Variants in UGT1A9 observed in about 807,000 individuals in gnomAD.
UGT1A9 encodes UDP-glucuronosyltransferase 1A9.
A neutral mutation model predicts 45.0 loss-of-function variants in UGT1A9; 35 were observed. The ratio of observed to expected loss-of-function variants is 0.78; its 90% CI spans 0.59 to 1.03. The LOEUF is 1.03. UGT1A9 is among the 50% of genes least tolerant of loss of function. The pLI is 0.00. For missense variants in UGT1A9, 687 were observed against 666.6 expected, an observed-to-expected ratio of 1.03 and a Z score of -0.34; for synonymous variants, 278 against 250.6, an observed-to-expected ratio of 1.11 and a Z score of -1.03.
At chr2:233,754,037 T>C (rs1376554387) in intron 1 of UGT1A9, among the ~76,000 whole-genome samples, 1 of 152,244 alleles carries the variant, frequency 6.6e-6, no homozygotes, top group Non-Finnish European at 1.5e-5. Context: ...ATGCATCCAC[T>C]TTGCCAGGTT....
At chr2:233,752,890 C>A (rs537828663) in intron 1 of UGT1A9, among the ~76,000 whole-genome samples, 13 of 152,204 alleles carry the variant, frequency 8.5e-5, no homozygotes, top group Admixed American at 7.2e-4. Context: ...AACTAGCCAG[C>A]GTTGTTACAG....
intron 1 of UGT1A9, among the ~76,000 whole-genome samples, chr2:233,751,808 C>G (rs1373463775): frequency 6.6e-6 from 1 of 152,150 alleles, no homozygotes; most frequent in Non-Finnish European, 1.5e-5. Flanking sequence ...TTGTAAGTTT[C>G]CTGAGGCCTC....
intron 1 of UGT1A9, among the ~76,000 whole-genome samples, chr2:233,706,625 G>A (rs1232121262): frequency 6.6e-6 from 1 of 152,130 alleles, no homozygotes; most frequent in Non-Finnish European, 1.5e-5. Flanking sequence ...AGAGAAATGA[G>A]TGTTTCTACT....
chr2:233,767,950 A>T lies in UGT1A9; in HGVS notation c.1075+14A>T. The T allele has an allele frequency of 6.2e-7, 1 of 1,614,160 alleles. No homozygotes were observed. On this transcript the variant is annotated intron_variant, in intron 3 of 4. Transcript: ENST00000354728. ...ACGATCTGCTTGGTATGTTGGGCGG[A>T]TTGGATGTATAGGTCAAACCAGGGT... is the stretch of plus-strand genomic sequence containing the variant.
intron 1 of UGT1A9, among the ~76,000 whole-genome samples, chr2:233,764,582 C>G (rs1698598624): frequency 6.6e-6 from 1 of 152,122 alleles, no homozygotes; most frequent in South Asian, 2.1e-4. Context: ...TAGACTCGGC[C>G]TTTTCCAGAT....
Position 233,760,935 on chromosome 2 carries a change from C to CT in UGT1A9, c.856-6095dup. On this transcript the variant is annotated intron_variant, in intron 1 of 4. Coordinates refer to ENST00000354728, the MANE Select transcript of UGT1A9 (RefSeq NM_021027.3). ...AGCGGGTGAAGAACATGCTCATTGCCTTTTCACAGAACTTTCTGTGCGACG... is the reference window on the plus strand; with the variant it reads ...AGCGGGTGAAGAACATGCTCATTGCCTTTTTCACAGAACTTTCTGTGCGACG... 6.2e-7 allele frequency: 1 copy of CT among 1,614,200 alleles called. No individual in the cohort carries two copies. Among genetic ancestry groups the CT allele is most frequent in the Non-Finnish European group, 8.5e-7 (1 of 1,180,050 alleles).
At chr2:233,700,149 G>A (rs142795640) in intron 1 of UGT1A9, among the ~76,000 whole-genome samples, 1 of 152,174 alleles carries the variant, frequency 6.6e-6, no homozygotes, top group Non-Finnish European at 1.5e-5. Context: ...TCTCCCTATA[G>A]GGGTCTTTAC....
chr2:233,699,964 G>A (rs985933821), intron 1 of UGT1A9, among the ~76,000 whole-genome samples: 3 of 152,126 alleles, frequency 2.0e-5, no homozygotes, highest in African/African-American at 4.8e-5. Flanking sequence ...AAAAATACCC[G>A]TCCCCCAACT....
At chr2:233,735,490 G>T (rs1335131931) in intron 1 of UGT1A9, among the ~76,000 whole-genome samples, 1 of 152,096 alleles carries the variant, frequency 6.6e-6, no homozygotes, top group Non-Finnish European at 1.5e-5. Context: ...TTTTTTAATT[G>T]CAGCATTTAG....
intron 1 of UGT1A9, among the ~76,000 whole-genome samples, chr2:233,687,650 C>A (rs1194138465): frequency 1.3e-5 from 2 of 148,726 alleles, no homozygotes; most frequent in Non-Finnish European, 3.0e-5. Context: ...CACATGTAAT[C>A]ACAGCACTTT....
chr2:233,677,177 C>A (rs1226149365), intron 1 of UGT1A9, among the ~76,000 whole-genome samples: 3 of 152,138 alleles, frequency 2.0e-5, no homozygotes, highest in Admixed American at 2.0e-4. Context: ...AATTCATTAA[C>A]ATATCTTTTT....
intron 1 of UGT1A9, chr2:233,755,091 T>A (rs747522597): frequency 1.5e-6 from 2 of 1,335,830 alleles, no homozygotes; most frequent in African/African-American, 3.0e-5. Context: ...ATCGCGTTTC[T>A]ACGCGTCCGA....
At chr2:233,690,976 A>C in intron 1 of UGT1A9, 1 of 1,000,136 alleles carries the variant, frequency 1.0e-6, no homozygotes, top group African/African-American at 1.7e-5. Context: ...TAAGAACAGG[A>C]CCCACATATG....
intron 1 of UGT1A9, chr2:233,681,951 G>T (rs2074546846): frequency 6.2e-7 from 1 of 1,613,734 alleles, no homozygotes; most frequent in Non-Finnish European, 8.5e-7. Context: ...GCTCGTGCAG[G>T]GTGGACTGGC....
intron 1 of UGT1A9, among the ~76,000 whole-genome samples, chr2:233,764,942 G>T (rs12479045): frequency 6.6e-6 from 1 of 152,080 alleles, no homozygotes; most frequent in African/African-American, 2.4e-5. Flanking sequence ...TGAGAGTGGC[G>T]GGGAGAGAGG....
chr2:233,758,920 T>C (rs1318517296), intron 1 of UGT1A9, among the ~76,000 whole-genome samples: 3 of 152,264 alleles, frequency 2.0e-5, no homozygotes, highest in Non-Finnish European at 4.4e-5. Flanking sequence ...TGCTCATCTT[T>C]CCCTTTTGAC....
In UGT1A9 at chr2:233,766,945, A is replaced by G. The variant is rs1284295869; in HGVS notation, c.856-89A>G. 3.1e-6 allele frequency: 5 copies of G among 1,597,954 alleles called. No homozygotes were observed. In the East Asian group the frequency reaches 1.1e-4, roughly 36 times the overall value. ...ACGCATGCCTTTAATCATAGTCTTA[A>G]GAGGAAGATATCTAATTCATAACTT... On this transcript the variant is annotated intron_variant, in intron 1 of 4. Coordinates refer to ENST00000354728, the MANE Select transcript of UGT1A9 (RefSeq NM_021027.3).
At chr2:233,734,267 C>T (rs1349289847) in intron 1 of UGT1A9, among the ~76,000 whole-genome samples, 2 of 152,020 alleles carry the variant, frequency 1.3e-5, no homozygotes, top group Non-Finnish European at 2.9e-5. Flanking sequence ...GTGTATGTGT[C>T]CAGGAATTTA....
rs368960201 is a variant in UGT1A9, at chr2:233,672,698, C to T, written c.764C>T (p.Thr255Met). ...CACACATCAATTTGGTTGTTGCGAACGGACTTTGTTTTGGACTATCCCAAA... is the reference window on the plus strand; with the variant it reads ...CACACATCAATTTGGTTGTTGCGAATGGACTTTGTTTTGGACTATCCCAAA... ...YSHTSIWLLR[T>M]DFVLDYPKPV... Residue 255 changes from threonine (T) to methionine (M), a missense_variant, in exon 1 of 5, where the codon ACG becomes ATG. Physicochemically the swap from Thr to Met is moderately conservative, Grantham distance 81. Coordinates refer to ENST00000354728, the MANE Select transcript of UGT1A9 (RefSeq NM_021027.3). 3.8e-5 allele frequency: 61 copies of T among 1,613,786 alleles called. No individual in the cohort carries two copies. Among genetic ancestry groups the T allele is most frequent in the African/African-American group, 5.3e-5 (4 of 74,888 alleles).
Sources: gnomAD v4.1 joint callset for allele counts (sites outside exome capture counted in the v4.1 genomes callset) on GRCh38, gnomAD v4.1.1 for gene constraint, MANE v1.5 for transcripts, NCBI Gene and HGNC (gene_info 2026-07-23, HGNC 2026-07-21) for gene names.